Variants in CFAP70 observed in about 807,000 individuals in gnomAD.
CFAP70 encodes the protein cilia- and flagella-associated protein 70.
Under a neutral mutation model 137.6 loss-of-function variants are expected in CFAP70, and 81 were observed. The ratio of observed to expected loss-of-function variants is 0.59; its 90% CI spans 0.49 to 0.71. The LOEUF (loss-of-function observed/expected upper bound fraction) is 0.71. Among genes scored for constraint, CFAP70 ranks in the 30% least tolerant of loss-of-function variants. The pLI is 0.00. For synonymous variants in CFAP70, 382 were observed against 423.6 expected (o/e 0.90, Z 1.20); for missense variants, 976 against 1,226.7 (o/e 0.80, Z 3.05).
chr10:73,291,700 T>C, exon 18 of CFAP70: 1 of 1,613,996 alleles, frequency 6.2e-7, no homozygotes, highest in Non-Finnish European at 8.5e-7. Context: ...TCAAAGAAAA[T>C]TTCTGCTTGC....
intron 8 of CFAP70, among the ~76,000 whole-genome samples, chr10:73,329,682 A>G (rs950449581): frequency 5.9e-5 from 9 of 152,234 alleles, no homozygotes; most frequent in African/African-American, 2.2e-4. Context: ...AAAACTTAAA[A>G]GGAATCAGAA....
At chr10:73,354,383 ATTG>A (rs1164774820) in intron 2 of CFAP70, among the ~76,000 whole-genome samples, 5 of 152,098 alleles carry the variant, frequency 3.3e-5, no homozygotes, top group Admixed American at 6.5e-5. Flanking sequence ...AGTACATCAC[ATTG>A]TTGTTGTTTT....
chr10:73,274,954 C>T (rs1315904117), intron 22 of CFAP70: 10 of 185,856 alleles, frequency 5.4e-5, no homozygotes, highest in African/African-American at 2.1e-4. Flanking sequence ...CTTTTCTCTG[C>T]TCTTTGCAAA....
At chr10:73,321,218 A>G (rs1441343286) in intron 9 of CFAP70, among the ~76,000 whole-genome samples, 1 of 152,056 alleles carries the variant, frequency 6.6e-6, no homozygotes, top group Non-Finnish European at 1.5e-5. Flanking sequence ...GGAGTTTAAG[A>G]CCAGCCTGTC....
chr10:73,313,496 C>T (rs2050097509), intron 9 of CFAP70, among the ~76,000 whole-genome samples: 1 of 146,784 alleles, frequency 6.8e-6, no homozygotes, highest in African/African-American at 2.5e-5. Flanking sequence ...TGAGCCATGA[C>T]TACACCACTG....
At chr10:73,324,842 G>C (rs1235497761) in intron 8 of CFAP70, among the ~76,000 whole-genome samples, 1 of 152,174 alleles carries the variant, frequency 6.6e-6, no homozygotes, top group Non-Finnish European at 1.5e-5. Context: ...TATGTGAAAA[G>C]ACCAAATCTA....
At chr10:73,253,907 C>G (rs1363697155) in exon 27 of CFAP70, 2 of 1,292,950 alleles carry the variant, frequency 1.5e-6, no homozygotes, top group Non-Finnish European at 2.2e-6. Flanking sequence ...AGGCTTCATA[C>G]GGTAAAACTC....
upstream of CFAP70, among the ~76,000 whole-genome samples, chr10:73,362,754 CTTTG>C (rs1177606702): frequency 2.0e-5 from 3 of 151,928 alleles, no homozygotes; most frequent in African/African-American, 7.3e-5. Flanking sequence ...TTTAGATGCC[CTTTG>C]TTTCTTTCTC....
At chr10:73,256,628 G>A (rs1031477039) in intron 25 of CFAP70, among the ~76,000 whole-genome samples, 1 of 151,900 alleles carries the variant, frequency 6.6e-6, no homozygotes, top group Non-Finnish European at 1.5e-5. Flanking sequence ...TCCTGGCCAG[G>A]CGTGGTGGCT....
At chr10:73,327,707 C>G (rs368995957) in intron 8 of CFAP70, among the ~76,000 whole-genome samples, 5 of 151,916 alleles carry the variant, frequency 3.3e-5, no homozygotes, top group African/African-American at 9.7e-5. Flanking sequence ...GACAAACAGA[C>G]AGCCAAATCA....
intron 8 of CFAP70, among the ~76,000 whole-genome samples, chr10:73,329,138 C>T (rs1270948774): frequency 6.6e-6 from 1 of 152,158 alleles, no homozygotes; most frequent in East Asian, 1.9e-4. Context: ...GGCACATATA[C>T]ACCGTGGAAT....
chr10:73,357,636 T>C (rs111429881), intron 1 of CFAP70, among the ~76,000 whole-genome samples: 3 of 152,244 alleles, frequency 2.0e-5, no homozygotes, highest in South Asian at 2.1e-4. Context: ...AATGTAGTAC[T>C]ACATTCAGGG....
intron 19 of CFAP70, among the ~76,000 whole-genome samples, chr10:73,286,870 G>A (rs1362388633): frequency 7.2e-6 from 1 of 139,848 alleles, no homozygotes; most frequent in Non-Finnish European, 1.5e-5. Flanking sequence ...AAGGGGATGG[G>A]CCGAAACAAA....
intron 4 of CFAP70, among the ~76,000 whole-genome samples, chr10:73,346,710 G>C (rs543304319): frequency 7.9e-5 from 12 of 152,074 alleles, no homozygotes; most frequent in Non-Finnish European, 1.0e-4. Flanking sequence ...TAAAGACAAA[G>C]AAGACATAGT....
chr10:73,275,662 G>T lies in CFAP70; in HGVS notation c.2521-64C>A. ...CTGCATTGCGTCTTTTTCGGTTGAA[G>T]GATTCTGTCTCTGATAATAAATAAT... On this transcript the variant is annotated intron_variant, in intron 21 of 26. Coordinates refer to ENST00000310715, the Ensembl canonical transcript of CFAP70. This position sits in a 1 kb window ranked among gnomAD's most constrained non-coding sequence, Gnocchi z 4.0. 1 of 1,338,568 alleles carries T rather than the reference G, an allele frequency of 7.5e-7. No homozygotes were observed. Among genetic ancestry groups the T allele is most frequent in the Non-Finnish European group, 1.0e-6 (1 of 1,003,458 alleles). The allele number at this position is 1,338,568 out of a possible 1,614,324, so 82.9% of individuals were successfully genotyped here. A position where few individuals can be genotyped will look rare whatever the true frequency, so the allele number is the denominator to read the frequency against.
At chr10:73,262,167 C>G (rs1436486581) in intron 25 of CFAP70, among the ~76,000 whole-genome samples, 1 of 150,640 alleles carries the variant, frequency 6.6e-6, no homozygotes, top group Non-Finnish European at 1.5e-5. Context: ...TCAACCTCGG[C>G]CCACCAAGAT....
At chr10:73,292,467 T>G (rs957976283) in intron 16 of CFAP70, among the ~76,000 whole-genome samples, 1 of 152,170 alleles carries the variant, frequency 6.6e-6, no homozygotes, top group African/African-American at 2.4e-5. Context: ...GAAAGACATT[T>G]CATGTTCATG....
intron 12 of CFAP70, among the ~76,000 whole-genome samples, chr10:73,304,557 C>T (rs372690180): frequency 6.6e-6 from 1 of 152,036 alleles, no homozygotes; most frequent in Admixed American, 6.5e-5. Context: ...AAATGAGAAA[C>T]TTTTCTCCCC....
chr10:73,254,078 G>A, intron 26 of CFAP70, 23 bp from the exon 28 acceptor site: 1 of 1,584,012 alleles, frequency 6.3e-7, no homozygotes, highest in Non-Finnish European at 8.6e-7. Context: ...GGAAGAAAGG[G>A]AAAGATATAT....
Sources: allele counts gnomAD v4.1 joint callset (sites outside exome capture counted in the v4.1 genomes callset), GRCh38; gene constraint gnomAD v4.1.1; non-coding constraint Gnocchi (gnomAD v3.1); transcripts MANE v1.5; gene names NCBI Gene and HGNC (gene_info 2026-07-23, HGNC 2026-07-21).